Variants in SARDH observed in about 807,000 individuals in gnomAD.
The protein encoded by SARDH is sarcosine dehydrogenase, mitochondrial.
A neutral mutation model predicts 109.1 loss-of-function variants in SARDH; 95 were observed. The ratio of observed to expected loss-of-function variants is 0.87; its 90% CI spans 0.74 to 1.03. SARDH has a LOEUF of 1.03. Among genes scored for constraint, SARDH ranks in the 50% least tolerant of loss-of-function variants. The pLI is 0.00. For synonymous variants in SARDH, 572 were observed against 534.8 expected (o/e 1.07, Z -0.96); for missense variants, 1,267 against 1,287.8 (o/e 0.98, Z 0.25).
intron 1 of SARDH, among the ~76,000 whole-genome samples, chr9:133,737,315 G>A (rs939818458): frequency 6.6e-6 from 1 of 152,210 alleles, no homozygotes; most frequent in Admixed American, 6.5e-5. Flanking sequence ...GTAGGGGAGT[G>A]AGGAGGTGTT....
chr9:133,691,705 G>A (rs1454295641), intron 15 of SARDH, among the ~76,000 whole-genome samples: 1 of 152,194 alleles, frequency 6.6e-6, no homozygotes, highest in Non-Finnish European at 1.5e-5. Flanking sequence ...CGGCTCCGTG[G>A]TGATCTGATG....
rs923904886 is a variant in SARDH at position 133,690,376 on chromosome 9, T to A, written c.2069+4A>T. 5.0e-6 allele frequency: 8 copies of A among 1,607,092 alleles called. No homozygotes were observed. Among genetic ancestry groups the A allele is most frequent in the Non-Finnish European group, 6.8e-6 (8 of 1,175,598 alleles). ...CCAGGGGCGGGCTCCCAGTCCTCTC[T>A]CACCTGGCTGGGCCCTGGATACTGA... On this transcript the variant is annotated splice_donor_region_variant and intron_variant, in intron 16 of 20. Coordinates refer to ENST00000439388, the MANE Select transcript of SARDH (RefSeq NM_001134707.2).
chr9:133,672,103 C>T (rs1242446356), intron 17 of SARDH, among the ~76,000 whole-genome samples: 5 of 152,222 alleles, frequency 3.3e-5, no homozygotes, highest in Non-Finnish European at 7.3e-5. Flanking sequence ...CTGCAGGCTC[C>T]GGAGACGACC....
chr9:133,694,611 G>A (rs554950937), intron 14 of SARDH, among the ~76,000 whole-genome samples: 25 of 152,324 alleles, frequency 1.6e-4, no homozygotes, highest in African/African-American at 5.1e-4. Context: ...TCACCCTTGC[G>A]GGAAGGAAGC....
Position 133,664,036 on chromosome 9 carries a change from A to G in SARDH, c.2632-22T>C, listed in dbSNP as rs116278966. On this transcript the variant is annotated intron_variant, in intron 20 of 20. Transcript: ENST00000439388. Reference sequence around the variant, plus strand: ...AGACCTAGGAGCAGAGGTGGGGATGAGGATCACTCTCTGTTGGTAGGTACA... The same window carrying G: ...AGACCTAGGAGCAGAGGTGGGGATGGGGATCACTCTCTGTTGGTAGGTACA... The G allele has an allele frequency of 4.7e-4, 755 of 1,613,200 alleles. 2 individuals are homozygous for G. The African/African-American group carries it at 9.0e-3, about 19-fold the overall frequency.
rs1472698761 is a variant in SARDH, at chr9:133,686,275, C to T, written c.2070-989G>A. On this transcript the variant is annotated intron_variant, in intron 16 of 20. Coordinates refer to ENST00000439388, the MANE Select transcript of SARDH (RefSeq NM_001134707.2). The surrounding 1 kb of genome is among the most constrained non-coding windows in gnomAD (Gnocchi z 4.0). Reference sequence around the variant, plus strand: ...CCGGAGACCTCACTGGAGCCAACACCCATGGTCTCCCAGGAAGCCCTCACC... The same window carrying T: ...CCGGAGACCTCACTGGAGCCAACACTCATGGTCTCCCAGGAAGCCCTCACC... Among the ~76,000 whole-genome samples, 2 of 152,080 alleles carry T rather than the reference C, an allele frequency of 1.3e-5. No individual in the cohort carries two copies. Among genetic ancestry groups the T allele is most frequent in the East Asian group, 3.9e-4 (2 of 5,182 alleles).
At chr9:133,668,302 TCCCTCCCTCTCCCCCA>T (rs1352063242) in intron 19 of SARDH, among the ~76,000 whole-genome samples, 4 of 77,270 alleles carry the variant, frequency 5.2e-5, no homozygotes, top group South Asian at 5.3e-4. Flanking sequence ...TCCCTCCCTC[TCCCTCCCTCTCCCCCA>T]CCCTCCCTCT....
chr9:133,667,979 G>A (rs1045926276), intron 19 of SARDH, among the ~76,000 whole-genome samples: 6 of 152,098 alleles, frequency 3.9e-5, no homozygotes, highest in East Asian at 3.8e-4. Flanking sequence ...GAGCCGCGGC[G>A]CAGGGCAGCT....
intron 16 of SARDH, among the ~76,000 whole-genome samples, chr9:133,687,841 T>C (rs1830939347): frequency 6.6e-6 from 1 of 152,194 alleles, no homozygotes; most frequent in African/African-American, 2.4e-5. Context: ...GTATTATTAT[T>C]CATCTAAGAA....
intron 6 of SARDH, among the ~76,000 whole-genome samples, chr9:133,723,704 AGT>A: frequency 6.6e-6 from 1 of 152,378 alleles, no homozygotes. Context: ...CAGAGCTTGC[AGT>A]GAGCAGAGAT....
At chr9:133,730,218 C>T (rs777220232) in intron 4 of SARDH, 31 bp from the exon 5 acceptor site, 2 of 1,612,088 alleles carry the variant, frequency 1.2e-6, no homozygotes, top group Non-Finnish European at 1.7e-6. Flanking sequence ...TTCTAAAATC[C>T]CACGGGACTC....
upstream of SARDH, among the ~76,000 whole-genome samples, chr9:133,739,203 T>G (rs564278547): frequency 8.5e-4 from 129 of 152,316 alleles, no homozygotes; most frequent in African/African-American, 3.0e-3. Context: ...TCACATCTCC[T>G]CCTCGCGCTG....
At chr9:133,696,429 G>A in intron 13 of SARDH, 68 bp from the exon 14 acceptor site, 1 of 1,602,364 alleles carries the variant, frequency 6.2e-7, no homozygotes, top group Non-Finnish European at 8.5e-7. Flanking sequence ...TCAAGAACGT[G>A]GAGAACGGGG....
chr9:133,696,446 T>C, intron 13 of SARDH, 85 bp from the exon 14 acceptor site: 1 of 1,551,156 alleles, frequency 6.4e-7, no homozygotes, highest in South Asian at 1.2e-5. Flanking sequence ...GGGGGCTGTG[T>C]CCAACACACC....
In SARDH at chr9:133,708,332, A is replaced by G. The variant is rs1274879216; in HGVS notation, c.1425T>C (p.Asp475=). 5.0e-6 allele frequency: 8 copies of G among 1,613,130 alleles called. No individual in the cohort carries two copies. Among genetic ancestry groups the G allele is most frequent in the East Asian group, 4.5e-5 (2 of 44,886 alleles). ...AKNYSVVFPH[D]EPLAGRNMRR... Reference sequence around the variant, plus strand: ...TCATGTTGCGCCCGGCCAGCGGCTCATCGTGGGGGAAGACGACGGAGTAGT... The same window carrying G: ...TCATGTTGCGCCCGGCCAGCGGCTCGTCGTGGGGGAAGACGACGGAGTAGT... The change falls in exon 11 of 21, where the codon GAT becomes GAC. Residue 475 remains aspartate, a synonymous_variant. Transcript: ENST00000439388.
At chr9:133,731,556 G>A in intron 3 of SARDH, 72 bp from the exon 4 acceptor site, 1 of 1,477,486 alleles carries the variant, frequency 6.8e-7, no homozygotes, top group South Asian at 1.2e-5. Flanking sequence ...TCCCCAACTG[G>A]GCATCCACCG....
chr9:133,670,331 A>G (rs1028287102), intron 19 of SARDH, among the ~76,000 whole-genome samples: 1 of 148,316 alleles, frequency 6.7e-6, no homozygotes, highest in African/African-American at 2.5e-5. Flanking sequence ...TCCGTCTCAA[A>G]AAAAAAAAAA....
At chr9:133,659,978 A>G (rs1832391469), downstream of SARDH, among the ~76,000 whole-genome samples, 1 of 152,080 alleles carries the variant, frequency 6.6e-6, no homozygotes, top group Admixed American at 6.5e-5. Flanking sequence ...CTCCCAGATA[A>G]GTACCTCACC....
rs779173971 is a variant in SARDH at position 133,671,536 on chromosome 9, T to G, written c.2325A>C (p.Lys775Asn). 2 of 1,596,610 alleles carry G rather than the reference T, an allele frequency of 1.3e-6. No homozygotes were observed. The highest frequency in any genetic ancestry group is 1.7e-6 in the Non-Finnish European group (2 of 1,170,418). The change falls in exon 18 of 21, where the codon AAA (lysine) becomes AAC (asparagine). Residue 775 changes from lysine to asparagine, a missense_variant and splice_region_variant. Physicochemically the swap from Lys to Asn is moderately conservative, Grantham distance 94. Transcript: ENST00000439388. ...YRAIDSLSIE[K>N]GYRHWHADLR... ...GTGCTGTCCAGACCCTGCACTCACC[T>G]TTCTCAATGCTCAGGGAGTCGATGG...
Sources: allele counts gnomAD v4.1 joint callset (sites outside exome capture counted in the v4.1 genomes callset), GRCh38; gene constraint gnomAD v4.1.1; non-coding constraint Gnocchi (gnomAD v3.1); transcripts MANE v1.5; gene names NCBI Gene and HGNC (gene_info 2026-07-23, HGNC 2026-07-21).